The following ATXN7L1 variants were observed in gnomAD, a reference collection of about 807,000 sequenced individuals.
The protein encoded by ATXN7L1 is ataxin-7-like protein 1.
In ATXN7L1, 15 loss-of-function variants were observed where a neutral mutation model predicts 70.8. The ratio of observed to expected loss-of-function variants is 0.21; its 90% confidence interval spans 0.14 to 0.33. The LOEUF (loss-of-function observed/expected upper bound fraction) is 0.33, where lower values mean the gene tolerates loss of function less well. Ranked by LOEUF, ATXN7L1 falls within the 10% of genes least tolerant of loss-of-function variation. The pLI is 1.00. For missense variants in ATXN7L1, 975 were observed against 1,097.1 expected (o/e 0.89, Z 1.57); for synonymous variants, 440 against 445.1 (o/e 0.99, Z 0.14).
intron 2 of ATXN7L1, among the ~76,000 whole-genome samples, chr7:105,856,207 A>G (rs1192263220): frequency 6.6e-6 from 1 of 152,226 alleles, no homozygotes; most frequent in Non-Finnish European, 1.5e-5. Flanking sequence ...GTCAATTTAA[A>G]CCTTAGGAAG....
At chr7:105,827,512 T>C (rs1811042291) in intron 2 of ATXN7L1, among the ~76,000 whole-genome samples, 1 of 152,228 alleles carries the variant, frequency 6.6e-6, no homozygotes, top group East Asian at 1.9e-4. Flanking sequence ...GGTTCACTTA[T>C]ATACCAAAGT....
chr7:105,869,230 C>T (rs920153999), intron 2 of ATXN7L1, among the ~76,000 whole-genome samples: 1 of 152,168 alleles, frequency 6.6e-6, no homozygotes, highest in Non-Finnish European at 1.5e-5. Context: ...GATAATGTAA[C>T]GCCAAAGTGA....
In ATXN7L1 at chr7:105,757,710, G is replaced by C. The variant is rs549863874; in HGVS notation, c.355+30894C>G. On this transcript the variant is annotated intron_variant, in intron 3 of 11. Coordinates refer to ENST00000419735, the MANE Select transcript of ATXN7L1 (RefSeq NM_020725.2). ...CGATCCTCCCACCTCAGCCCCCTAA[G>C]TAGCTTGGGCTACAGGCATGCAAAA... is the stretch of plus-strand genomic sequence containing the variant. 1.2e-4 allele frequency among the ~76,000 whole-genome samples: 18 copies of C among 150,116 alleles called. No individual in the cohort carries two copies. The South Asian group carries it at 2.7e-3, about 23-fold the overall frequency.
At chr7:105,849,183 C>A (rs1311416486) in intron 2 of ATXN7L1, among the ~76,000 whole-genome samples, 1 of 152,214 alleles carries the variant, frequency 6.6e-6, no homozygotes, top group Non-Finnish European at 1.5e-5. Context: ...AGGAGATGGA[C>A]AATCTCAACA....
chr7:105,833,075 C>T (rs1412387124), intron 2 of ATXN7L1, among the ~76,000 whole-genome samples: 2 of 152,172 alleles, frequency 1.3e-5, no homozygotes, highest in Non-Finnish European at 2.9e-5. Context: ...AGGATAAAGT[C>T]CTTACTCCTC....
intron 2 of ATXN7L1, among the ~76,000 whole-genome samples, chr7:105,854,529 GGAAA>G (rs1815422344): frequency 9.2e-5 from 2 of 21,718 alleles, no homozygotes; most frequent in Non-Finnish European, 8.1e-5. Context: ...CCCTTATAGA[GGAAA>G]AAAAAAAAAA....
At chr7:105,729,039 G>T (rs1483313196) in intron 3 of ATXN7L1, among the ~76,000 whole-genome samples, 1 of 152,074 alleles carries the variant, frequency 6.6e-6, no homozygotes, top group East Asian at 1.9e-4. Flanking sequence ...CGAGATGGAA[G>T]GATTGCTTGA....
At chr7:105,776,493 A>AC (rs33932326) in intron 3 of ATXN7L1, among the ~76,000 whole-genome samples, 14,807 of 143,762 alleles carry the variant, frequency 0.1, 748 homozygotes, top group South Asian at 0.16. Flanking sequence ...CAAACAAACA[A>AC]CCCCCCCCCC....
intron 3 of ATXN7L1, among the ~76,000 whole-genome samples, chr7:105,757,769 T>C (rs1280799303): frequency 1.3e-5 from 2 of 151,522 alleles, no homozygotes; most frequent in East Asian, 1.9e-4. Context: ...TTTTTTTTTT[T>C]TGTAGCAATA....
intron 3 of ATXN7L1, among the ~76,000 whole-genome samples, chr7:105,726,442 G>A (rs1795828307): frequency 6.6e-6 from 1 of 152,108 alleles, no homozygotes; most frequent in African/African-American, 2.4e-5. Context: ...ACAAACCAAG[G>A]CTGAGCAGAG....
intron 4 of ATXN7L1, among the ~76,000 whole-genome samples, chr7:105,660,982 G>A (rs1289866530): frequency 6.6e-6 from 1 of 152,082 alleles, no homozygotes; most frequent in Non-Finnish European, 1.5e-5. Context: ...TTTGTACTGT[G>A]TTAGCTTATG....
rs188438688 is a variant in ATXN7L1 at position 105,620,471 on chromosome 7, T to C, written c.1396-150A>G. 13 of 775,320 alleles carry C rather than the reference T, an allele frequency of 1.7e-5. No individual in the cohort carries two copies. In the Admixed American group the frequency reaches 4.2e-4, roughly 25 times the overall value. The allele number at this position is 775,320 out of a possible 1,614,324, so 48.0% of individuals were successfully genotyped here. A position where few individuals can be genotyped will look rare whatever the true frequency, so the allele number is the denominator to read the frequency against. On this transcript the variant is annotated intron_variant, in intron 8 of 11. Coordinates refer to ENST00000419735, the MANE Select transcript of ATXN7L1 (RefSeq NM_020725.2). Reference sequence around the variant, plus strand: ...ACTGAAGCCAAAAATACTTCTGCAGTTCTGTAGTTTGAGCTCTGGATTTTC... The same window carrying C: ...ACTGAAGCCAAAAATACTTCTGCAGCTCTGTAGTTTGAGCTCTGGATTTTC...
chr7:105,861,335 G>A (rs1425678427), intron 2 of ATXN7L1, among the ~76,000 whole-genome samples: 2 of 152,028 alleles, frequency 1.3e-5, no homozygotes, highest in African/African-American at 2.4e-5. Context: ...TGGTGTGCAG[G>A]GAAGATACAG....
At chr7:105,752,693 A>T (rs1408957659) in intron 3 of ATXN7L1, among the ~76,000 whole-genome samples, 1 of 152,214 alleles carries the variant, frequency 6.6e-6, no homozygotes, top group African/African-American at 2.4e-5. Context: ...CACTTTTTTC[A>T]TCGCAAGAAG....
chr7:105,805,633 AGGACGTGTGCGT>A (rs1284841210), intron 2 of ATXN7L1, among the ~76,000 whole-genome samples: 4 of 152,222 alleles, frequency 2.6e-5, no homozygotes, highest in African/African-American at 9.6e-5. Context: ...AGTGATAAAT[AGGACGTGTGCGT>A]GGCTCATGCT....
chr7:105,672,526 A>T (rs1402443156), intron 3 of ATXN7L1, among the ~76,000 whole-genome samples: 1 of 152,218 alleles, frequency 6.6e-6, no homozygotes, highest in African/African-American at 2.4e-5. Context: ...TCTTTTAAAA[A>T]ACTGATTTAA....
At chr7:105,769,246 C>A (rs995995481) in intron 3 of ATXN7L1, among the ~76,000 whole-genome samples, 3 of 152,180 alleles carry the variant, frequency 2.0e-5, no homozygotes, top group African/African-American at 4.8e-5. Context: ...GTCGTGAGTA[C>A]AGAAGACTCT....
intron 3 of ATXN7L1, among the ~76,000 whole-genome samples, chr7:105,758,886 T>A (rs1563069933): frequency 6.6e-6 from 1 of 152,170 alleles, no homozygotes. Flanking sequence ...AGGCCCTTGA[T>A]TTGGGAGGTA....
intron 3 of ATXN7L1, among the ~76,000 whole-genome samples, chr7:105,741,304 C>T (rs889043789): frequency 2.6e-5 from 4 of 152,124 alleles, no homozygotes; most frequent in African/African-American, 9.7e-5. Context: ...TCTCTCCTTC[C>T]CCCACTGAAC....
Sources: gnomAD v4.1 joint callset for allele counts (sites outside exome capture counted in the v4.1 genomes callset) on GRCh38, gnomAD v4.1.1 for gene constraint, MANE v1.5 for transcripts, NCBI Gene and HGNC (gene_info 2026-07-23, HGNC 2026-07-21) for gene names.